The following ARL15 variants were observed in gnomAD, a reference collection of about 807,000 sequenced individuals.
The protein encoded by ARL15 is ARF like GTPase 15.
ARL15 carries 19 observed loss-of-function variants against 25.2 expected under a neutral mutation model. The observed-to-expected ratio is 0.75, with a 90% CI of 0.53 to 1.10. ARL15 has a LOEUF of 1.10. Ranked by LOEUF, ARL15 falls within the 50% of genes least tolerant of loss-of-function variation. ARL15 has a pLI of 0.00. For missense variants in ARL15, 220 were observed against 246.0 expected (o/e 0.89, Z 0.71); for synonymous variants, 94 against 86.8 (o/e 1.08, Z -0.46).
chr5:54,197,014 A>G (rs1335601834), intron 1 of ARL15, among the ~76,000 whole-genome samples: 1 of 152,210 alleles, frequency 6.6e-6, no homozygotes. Flanking sequence ...TGATTCTTCA[A>G]TAGTAAAAAC....
intron 2 of ARL15, among the ~76,000 whole-genome samples, 197 bp from the exon 3 acceptor site, chr5:54,154,836 G>A (rs940945142): frequency 6.6e-6 from 1 of 152,094 alleles, no homozygotes; most frequent in African/African-American, 2.4e-5. Flanking sequence ...AAACATAGTT[G>A]TTGTGGCTGG....
chr5:54,238,004 G>T (rs183848906), intron 1 of ARL15, among the ~76,000 whole-genome samples: 1 of 152,206 alleles, frequency 6.6e-6, no homozygotes, highest in East Asian at 1.9e-4. Flanking sequence ...ACCAGAGGAC[G>T]TTTACTATAA....
chr5:54,238,650 CAACT>C (rs1282238848), intron 1 of ARL15, among the ~76,000 whole-genome samples: 4 of 152,134 alleles, frequency 2.6e-5, no homozygotes, highest in African/African-American at 9.7e-5. Flanking sequence ...CTTCACAGAC[CAACT>C]GTCACTTCAA....
rs187821573 is a variant in ARL15 at position 54,270,835 on chromosome 5, G to A, written c.48+39597C>T. Reference sequence around the variant, plus strand: ...AGGCATTGTTTTGGAATGTGTCTGGGATGATGTTTCCAGAGGAGATTGGCA... The same window carrying A: ...AGGCATTGTTTTGGAATGTGTCTGGAATGATGTTTCCAGAGGAGATTGGCA... On this transcript the variant is annotated intron_variant, in intron 1 of 4. Transcript: ENST00000504924. 7.2e-5 allele frequency among the ~76,000 whole-genome samples: 11 copies of A among 152,350 alleles called. No individual in the cohort carries two copies. The East Asian group carries it at 2.1e-3, about 29-fold the overall frequency.
At chr5:54,099,540 TTAAG>T (rs1752378620) in intron 4 of ARL15, among the ~76,000 whole-genome samples, 1 of 152,184 alleles carries the variant, frequency 6.6e-6, no homozygotes, top group African/African-American at 2.4e-5. Context: ...AATTTATTCT[TTAAG>T]TACCCTCAAA....
intron 4 of ARL15, among the ~76,000 whole-genome samples, chr5:54,014,648 G>A (rs975649757): frequency 5.9e-5 from 9 of 151,902 alleles, no homozygotes; most frequent in Non-Finnish European, 1.2e-4. Flanking sequence ...AGCCTCCCAA[G>A]TAGCTGGGAT....
At chr5:54,205,576 A>G (rs2112493593) in intron 1 of ARL15, among the ~76,000 whole-genome samples, 1 of 152,326 alleles carries the variant, frequency 6.6e-6, no homozygotes, top group Admixed American at 6.5e-5. Flanking sequence ...ATAACCTTAC[A>G]GAAGCTGAGG....
At chr5:53,910,313 C>T (rs983981810) in intron 4 of ARL15, among the ~76,000 whole-genome samples, 3 of 152,142 alleles carry the variant, frequency 2.0e-5, no homozygotes, top group Admixed American at 6.5e-5. Flanking sequence ...ATGTCTAATG[C>T]TATCCTTGAA....
chr5:54,220,867 C>T (rs907564588), intron 1 of ARL15, among the ~76,000 whole-genome samples: 1 of 152,138 alleles, frequency 6.6e-6, no homozygotes, highest in African/African-American at 2.4e-5. Context: ...GCAGTGCCGA[C>T]TCTCGTCCTG....
chr5:54,165,300 C>G (rs1023463678), intron 2 of ARL15, among the ~76,000 whole-genome samples: 13 of 151,920 alleles, frequency 8.6e-5, no homozygotes, highest in African/African-American at 3.1e-4. Flanking sequence ...ACATAATTTG[C>G]ATTTCTGGCA....
Position 53,941,123 on chromosome 5 carries a change from C to G in ARL15, c.463-54410G>C, listed in dbSNP as rs548686553. On this transcript the variant is annotated intron_variant, in intron 4 of 4. Transcript: ENST00000504924. ...TATTTCACAATGTTATTTGTTAAACCAAAGCATTAGTCATTCTCTTCTTCT... is the reference window on the plus strand; with the variant it reads ...TATTTCACAATGTTATTTGTTAAACGAAAGCATTAGTCATTCTCTTCTTCT... Among the ~76,000 whole-genome samples the G allele has an allele frequency of 3.9e-5, 6 of 152,002 alleles. No individual in the cohort carries two copies. The South Asian group carries it at 1.2e-3, about 32-fold the overall frequency.
chr5:54,145,856 T>A (rs1753894485), intron 3 of ARL15, among the ~76,000 whole-genome samples: 1 of 152,238 alleles, frequency 6.6e-6, no homozygotes, highest in Non-Finnish European at 1.5e-5. Flanking sequence ...TATAGTACAG[T>A]GAACCCTTAA....
chr5:54,023,667 T>G, intron 4 of ARL15, among the ~76,000 whole-genome samples: 1 of 152,190 alleles, frequency 6.6e-6, no homozygotes, highest in East Asian at 1.9e-4. Context: ...TCCTCCTCCC[T>G]TCCTTCTCTC....
chr5:54,167,080 A>T (rs931242626), intron 2 of ARL15, among the ~76,000 whole-genome samples: 1 of 152,190 alleles, frequency 6.6e-6, no homozygotes, highest in African/African-American at 2.4e-5. Context: ...CTTGTGAGTT[A>T]TAAGTTTTTC....
intron 4 of ARL15, among the ~76,000 whole-genome samples, chr5:53,909,655 A>C (rs898362318): frequency 1.3e-5 from 2 of 152,226 alleles, no homozygotes; most frequent in African/African-American, 4.8e-5. Flanking sequence ...GTGGTGAGCC[A>C]AAATCACGCC....
chr5:54,213,644 T>C (rs1020609805), intron 1 of ARL15, among the ~76,000 whole-genome samples: 2 of 152,092 alleles, frequency 1.3e-5, no homozygotes, highest in Non-Finnish European at 2.9e-5. Flanking sequence ...GGAGGAAAAT[T>C]TTGTTTAGCA....
intron 1 of ARL15, among the ~76,000 whole-genome samples, chr5:54,185,875 G>A (rs564684956): frequency 6.6e-6 from 1 of 152,152 alleles, no homozygotes; most frequent in African/African-American, 2.4e-5. Flanking sequence ...GATAATTCAG[G>A]GTTTAGGCTT....
At chr5:54,039,412 A>G (rs1344080170) in intron 4 of ARL15, among the ~76,000 whole-genome samples, 1 of 152,226 alleles carries the variant, frequency 6.6e-6, no homozygotes, top group Admixed American at 6.5e-5. Flanking sequence ...TCTATCACTC[A>G]CTTATCTCTT....
At chr5:54,144,108 G>A (rs78529712) in intron 3 of ARL15, among the ~76,000 whole-genome samples, 6,846 of 151,990 alleles carry the variant, frequency 0.045, 206 homozygotes, top group Non-Finnish European at 0.066. Context: ...GAGAGAAATC[G>A]TAATTAATAG....
Sources: gnomAD v4.1 joint callset for allele counts (sites outside exome capture counted in the v4.1 genomes callset) on GRCh38, gnomAD v4.1.1 for gene constraint, MANE v1.5 for transcripts, NCBI Gene and HGNC (gene_info 2026-07-23, HGNC 2026-07-21) for gene names.